Variants in ABL1 observed in about 807,000 individuals in gnomAD.
The protein encoded by ABL1 is ABL proto-oncogene 1, non-receptor tyrosine kinase.
A neutral mutation model predicts 94.7 loss-of-function variants in ABL1; 11 were observed. The observed-to-expected ratio is 0.12, with a 90% CI of 0.07 to 0.19. ABL1 has a LOEUF of 0.19. Ranked by LOEUF, ABL1 falls within the 10% of genes least tolerant of loss-of-function variation. ABL1 has a pLI of 1.00. For missense variants in ABL1, 1,082 were observed against 1,489.4 expected (o/e 0.73, Z 4.50); for synonymous variants, 656 against 622.4 (o/e 1.05, Z -0.80).
At chr9:130,876,162 GT>G (rs373003984) in intron 7 of ABL1, among the ~76,000 whole-genome samples, 9 of 150,908 alleles carry the variant, frequency 6.0e-5, no homozygotes, top group Middle Eastern at 3.2e-3. Flanking sequence ...TTTTGTGGGG[GT>G]TTTTTTTTGA....
At chr9:130,753,530 A>G (rs754484740) in intron 1 of ABL1, among the ~76,000 whole-genome samples, 6 of 145,792 alleles carry the variant, frequency 4.1e-5, no homozygotes, top group African/African-American at 5.2e-5. Context: ...GGTTCAAGCA[A>G]TTCTCCTGCC....
intron 1 of ABL1, among the ~76,000 whole-genome samples, chr9:130,761,146 T>A (rs894733648): frequency 1.3e-5 from 2 of 152,018 alleles, no homozygotes; most frequent in African/African-American, 4.8e-5. Context: ...TTTTTGTATT[T>A]TTAGTAGAGA....
chr9:130,732,413 G>A (rs1283333207), intron 1 of ABL1, among the ~76,000 whole-genome samples: 1 of 152,102 alleles, frequency 6.6e-6, no homozygotes, highest in African/African-American at 2.4e-5. Context: ...TCTTTGTTAA[G>A]CAGTGGAGAG....
chr9:130,726,029 T>A lies in ABL1; in HGVS notation c.136+11574T>A, dbSNP rs552167114. Reference sequence around the variant, plus strand: ...ACACCTGGCTAATTTAAAAAAAAAATTTATAGAGACAGAGTCTTGCTATGG... The same window carrying A: ...ACACCTGGCTAATTTAAAAAAAAAAATTATAGAGACAGAGTCTTGCTATGG... On this transcript the variant is annotated intron_variant, in intron 1 of 10. Coordinates refer to the ABL1 transcript ENST00000372348. Among the ~76,000 whole-genome samples, 45 of 151,066 alleles carry A rather than the reference T, an allele frequency of 3.0e-4. No homozygotes were observed. The East Asian group carries it at 5.3e-3, about 18-fold the overall frequency.
intron 1 of ABL1, among the ~76,000 whole-genome samples, chr9:130,771,648 C>T (rs1382794438): frequency 6.6e-6 from 1 of 151,694 alleles, no homozygotes; most frequent in Non-Finnish European, 1.5e-5. Context: ...TATTTTTAAC[C>T]TAATGTGTTC....
intron 1 of ABL1, among the ~76,000 whole-genome samples, chr9:130,797,446 C>T (rs561777939): frequency 6.6e-6 from 1 of 152,254 alleles, no homozygotes; most frequent in South Asian, 2.1e-4. Context: ...ATGGTCTTAG[C>T]TCACTGCAAC....
In ABL1 at chr9:130,854,252, G is replaced by A. The variant is rs1294361961; in HGVS notation, c.253+15G>A. ...CATAACTAAAGGTAAAAGGGTTGTG[G>A]GCAGCTAGTGGTGGTTGCAGGAGAT... On this transcript the variant is annotated intron_variant, in intron 2 of 10. Transcript: ENST00000318560. The A allele has an allele frequency of 1.2e-6, 2 of 1,609,388 alleles. No individual in the cohort carries two copies. Among genetic ancestry groups the A allele is most frequent in the African/African-American group, 2.7e-5 (2 of 74,756 alleles).
rs544850559 is a variant in ABL1, at chr9:130,872,821, C to T, written c.908-39C>T. ...AGACAGTTGTTTGTTCAGTTGGGAG[C>T]GGAGCCACGTGTTGAAGTCCTCGTT... On this transcript the variant is annotated intron_variant, in intron 5 of 10. Coordinates refer to ENST00000318560, the MANE Select transcript of ABL1 (RefSeq NM_005157.6). This position sits in a 1 kb window ranked among gnomAD's most constrained non-coding sequence, Gnocchi z 5.0. 8.2e-6 allele frequency: 13 copies of T among 1,580,632 alleles called. No individual in the cohort carries two copies. Among genetic ancestry groups the T allele is most frequent in the African/African-American group, 1.3e-5 (1 of 74,132 alleles).
chr9:130,777,290 A>C (rs1046670016), intron 1 of ABL1, among the ~76,000 whole-genome samples: 1 of 152,200 alleles, frequency 6.6e-6, no homozygotes, highest in African/African-American at 2.4e-5. Flanking sequence ...GGGTGTTGGG[A>C]GTCCTATATA....
At chr9:130,718,929 A>C (rs1421197157) in intron 1 of ABL1, among the ~76,000 whole-genome samples, 1 of 152,134 alleles carries the variant, frequency 6.6e-6, no homozygotes. Flanking sequence ...TCAAGAAGGC[A>C]CATAGGGATG....
intron 2 of ABL1, among the ~76,000 whole-genome samples, chr9:130,854,533 T>C (rs1331879620): frequency 2.0e-5 from 3 of 152,126 alleles, no homozygotes; most frequent in African/African-American, 4.8e-5. Context: ...TAAAATGTCT[T>C]ATATTAGGAA....
At chr9:130,740,819 ATTTTTTTT>A (rs34323373) in intron 1 of ABL1, among the ~76,000 whole-genome samples, 10 of 97,834 alleles carry the variant, frequency 1.0e-4, no homozygotes, top group African/African-American at 2.4e-4. Flanking sequence ...CCACACCCAG[ATTTTTTTT>A]TTTTTTTTTT....
At chr9:130,847,989 C>T (rs1318068268) in intron 1 of ABL1, among the ~76,000 whole-genome samples, 1 of 152,144 alleles carries the variant, frequency 6.6e-6, no homozygotes, top group Admixed American at 6.5e-5. Flanking sequence ...CCAGATGCGG[C>T]AGAATGTTTG....
chr9:130,756,824 T>C (rs370788099), intron 1 of ABL1, among the ~76,000 whole-genome samples: 1 of 152,250 alleles, frequency 6.6e-6, no homozygotes, highest in South Asian at 2.1e-4. Flanking sequence ...TTTTGGAGAA[T>C]GTATGTCTGA....
chr9:130,753,322 C>G (rs1831992114), intron 1 of ABL1, among the ~76,000 whole-genome samples: 2 of 152,030 alleles, frequency 1.3e-5, no homozygotes, highest in Non-Finnish European at 2.9e-5. Flanking sequence ...ATCACTTCCT[C>G]TGTTCCCACT....
chr9:130,718,331 A>G (rs1336118408), intron 1 of ABL1, among the ~76,000 whole-genome samples: 2 of 151,738 alleles, frequency 1.3e-5, no homozygotes, highest in Non-Finnish European at 2.9e-5. Flanking sequence ...AAAAAAAAAA[A>G]AAAAAAGAAA....
chr9:130,798,769 C>A (rs543518472), intron 1 of ABL1, among the ~76,000 whole-genome samples: 1 of 151,972 alleles, frequency 6.6e-6, no homozygotes, highest in Middle Eastern at 3.4e-3. Context: ...GAGTTTGAGA[C>A]CAACCTGGCC....
At chr9:130,800,328 A>G (rs1481661629) in intron 1 of ABL1, among the ~76,000 whole-genome samples, 1 of 152,110 alleles carries the variant, frequency 6.6e-6, no homozygotes, top group East Asian at 1.9e-4. Flanking sequence ...TCAATCATGT[A>G]ACCTCAAACA....
Position 130,885,995 on chromosome 9 carries a change from G to T in ABL1, c.*312G>T. On this transcript the variant is annotated 3_prime_UTR_variant, in exon 11 of 11. Coordinates refer to ENST00000318560, the MANE Select transcript of ABL1 (RefSeq NM_005157.6). ...CCGCTCCCACCTAGTGCCCCAGACTGAGCTCTCCAGGCCAGGTGGGAACGG... is the reference window on the plus strand; with the variant it reads ...CCGCTCCCACCTAGTGCCCCAGACTTAGCTCTCCAGGCCAGGTGGGAACGG... 1 of 397,850 alleles carries T rather than the reference G, an allele frequency of 2.5e-6. No individual in the cohort carries two copies. Among genetic ancestry groups the T allele is most frequent in the South Asian group, 4.1e-5 (1 of 24,442 alleles). The allele number at this position is 397,850 out of a possible 1,614,324, so 24.6% of individuals were successfully genotyped here.
Sources: gnomAD v4.1 joint callset for allele counts (sites outside exome capture counted in the v4.1 genomes callset) on GRCh38, gnomAD v4.1.1 for gene constraint, Gnocchi (gnomAD v3.1) non-coding constraint, MANE v1.5 for transcripts, NCBI Gene and HGNC (gene_info 2026-07-23, HGNC 2026-07-21) for gene names.